LRRK1: variants seen among roughly 807,000 people sequenced by gnomAD.
The protein encoded by LRRK1 is leucine rich repeat kinase 1.
In LRRK1, 113 loss-of-function variants were observed where a neutral mutation model predicts 209.1. That is an observed-to-expected ratio of 0.54 (90% CI 0.46 to 0.63). LRRK1 has a LOEUF of 0.63. Among genes scored for constraint, LRRK1 ranks in the 30% least tolerant of loss-of-function variants. LRRK1 has a pLI of 0.00. For missense variants in LRRK1, 2,284 were observed against 2,632.2 expected (o/e 0.87, Z 2.89); for synonymous variants, 1,144 against 1,099.7 (o/e 1.04, Z -0.80).
chr15:100,924,958 A>G (rs1372295579), intron 2 of LRRK1, among the ~76,000 whole-genome samples: 1 of 152,196 alleles, frequency 6.6e-6, no homozygotes, highest in African/African-American at 2.4e-5. Context: ...TTGGGACATC[A>G]CTTCATGCTG....
intron 6 of LRRK1, among the ~76,000 whole-genome samples, chr15:100,992,807 T>C (rs1298243862): frequency 6.6e-6 from 1 of 152,194 alleles, no homozygotes; most frequent in Admixed American, 6.5e-5. Flanking sequence ...TAGCAGGGAT[T>C]ACAGGTGTGC....
chr15:101,027,602 A>G lies in LRRK1; in HGVS notation c.2527-36A>G, dbSNP rs1269748029. 1 of 1,598,906 alleles carries G rather than the reference A, an allele frequency of 6.3e-7. No homozygotes were observed. The highest frequency in any genetic ancestry group is 8.5e-7 in the Non-Finnish European group (1 of 1,174,082). ...CCCAAGCTGGCAGGTGTGCCTTGGG[A>G]CCTGAGAGACCCTGCCTCGCCCAAC... On this transcript the variant is annotated intron_variant, in intron 18 of 33. Transcript: ENST00000388948. This position sits in a 1 kb window ranked among gnomAD's most constrained non-coding sequence, Gnocchi z 5.1.
rs377396108 is a variant in LRRK1 at position 101,066,724 on chromosome 15, A to G, written c.5853A>G (p.Arg1951=). The G allele has an allele frequency of 6.4e-5, 104 of 1,614,036 alleles. No homozygotes were observed. Among genetic ancestry groups the G allele is most frequent in the Non-Finnish European group, 8.4e-5 (99 of 1,179,970 alleles). Residue 1951 remains arginine (R), a synonymous_variant, in exon 33 of 34, where the codon CGA becomes CGG. Transcript: ENST00000388948. ...RGRVIAVLKA[R]ELTPHGVLVD... is the part of the protein sequence containing the mutation. Reference sequence around the variant, plus strand: ...GAGTCATTGCCGTCTTAAAAGCCCGAGAGCTGACTCCGCATGGGTAAGACT... The same window carrying G: ...GAGTCATTGCCGTCTTAAAAGCCCGGGAGCTGACTCCGCATGGGTAAGACT...
intron 6 of LRRK1, among the ~76,000 whole-genome samples, chr15:101,000,735 T>C (rs1222318253): frequency 6.6e-6 from 1 of 152,216 alleles, no homozygotes; most frequent in Non-Finnish European, 1.5e-5. Flanking sequence ...TTTCTCCTTT[T>C]TCATAAGAAC....
At chr15:101,029,361 C>A in intron 20 of LRRK1, 129 bp downstream of exon 20, 3 of 966,134 alleles carry the variant, frequency 3.1e-6, no homozygotes, top group East Asian at 2.6e-5. Flanking sequence ...CCCCTACGGA[C>A]AGGCCAGCAC....
chr15:100,954,918 C>T (rs2042723906), intron 2 of LRRK1, among the ~76,000 whole-genome samples: 1 of 152,150 alleles, frequency 6.6e-6, no homozygotes, highest in Admixed American at 6.5e-5. Context: ...TAATTTGTAA[C>T]ACAGTTTTAA....
chr15:101,037,383 A>C (rs1264605507), intron 20 of LRRK1, among the ~76,000 whole-genome samples: 3 of 152,128 alleles, frequency 2.0e-5, no homozygotes, highest in Admixed American at 6.5e-5. Flanking sequence ...TGGTGGACTG[A>C]ACCACTGAGC....
At chr15:100,976,692 A>T (rs2031315757) in intron 3 of LRRK1, among the ~76,000 whole-genome samples, 1 of 152,036 alleles carries the variant, frequency 6.6e-6, no homozygotes, top group East Asian at 1.9e-4. Flanking sequence ...ACCCCTACAG[A>T]TTTACTTGAA....
chr15:100,934,378 A>G (rs573264537), intron 2 of LRRK1, among the ~76,000 whole-genome samples: 49 of 152,288 alleles, frequency 3.2e-4, no homozygotes, highest in African/African-American at 1.1e-3. Context: ...CAGCATGATT[A>G]TTTCAACCAT....
At chr15:101,064,248 A>G (rs1158311379) in intron 31 of LRRK1, among the ~76,000 whole-genome samples, 5 of 152,250 alleles carry the variant, frequency 3.3e-5, no homozygotes, top group Non-Finnish European at 5.9e-5. Context: ...TGTCCTGGAC[A>G]GTGAGCTACG....
intron 20 of LRRK1, among the ~76,000 whole-genome samples, chr15:101,042,642 A>G (rs1478793032): frequency 6.6e-6 from 1 of 152,130 alleles, no homozygotes; most frequent in Non-Finnish European, 1.5e-5. Context: ...CTGCCTCCCC[A>G]CAGCATGTGC....
chr15:100,999,959 AC>A (rs1371049068), intron 6 of LRRK1, among the ~76,000 whole-genome samples: 3 of 152,238 alleles, frequency 2.0e-5, no homozygotes, highest in African/African-American at 7.2e-5. Context: ...TCTGGTTTCA[AC>A]GGTAATATTT....
At chr15:100,956,911 C>T (rs1193034555) in intron 2 of LRRK1, among the ~76,000 whole-genome samples, 1 of 152,048 alleles carries the variant, frequency 6.6e-6, no homozygotes. Context: ...TTTCTTTTTG[C>T]TTAATGTAGG....
chr15:100,968,665 TTTC>T (rs2030638458), intron 2 of LRRK1, among the ~76,000 whole-genome samples: 1 of 144,086 alleles, frequency 6.9e-6, no homozygotes, highest in African/African-American at 2.6e-5. Flanking sequence ...TCTTTCTTTC[TTTC>T]TTTTTCTTTC....
rs767129254 is a variant in LRRK1, at chr15:101,015,360, T to G, written c.1567T>G (p.Phe523Val). The G allele has an allele frequency of 6.2e-7, 1 of 1,611,670 alleles. No homozygotes were observed. The highest frequency in any genetic ancestry group is 1.1e-5 in the South Asian group (1 of 90,846). ...EDGLKTKRIA[F>V]FTTRGRQRSG... ...TGGACTGAAAACGAAGCGTATTGCC[T>G]TTTTCACCACCAGAGGTCGCCAGCG... Residue 523 changes from phenylalanine to valine, a missense_variant, in exon 12 of 34, where the codon TTT (phenylalanine) becomes GTT (valine). Physicochemically the swap from Phe to Val is conservative, Grantham distance 50 (BLOSUM62 -1). Coordinates refer to ENST00000388948, the MANE Select transcript of LRRK1 (RefSeq NM_024652.6).
intron 2 of LRRK1, among the ~76,000 whole-genome samples, chr15:100,960,081 G>A (rs1378059845): frequency 6.6e-6 from 1 of 152,052 alleles, no homozygotes; most frequent in Non-Finnish European, 1.5e-5. Flanking sequence ...GAAATAACTG[G>A]AAAATAGAGA....
chr15:100,973,149 C>T (rs1313923702), intron 2 of LRRK1, among the ~76,000 whole-genome samples: 2 of 152,238 alleles, frequency 1.3e-5, no homozygotes, highest in African/African-American at 4.8e-5. Context: ...GCTGAACGGC[C>T]CGGGCGCTGG....
At chr15:100,934,989 G>A (rs1405165836) in intron 2 of LRRK1, among the ~76,000 whole-genome samples, 1 of 152,146 alleles carries the variant, frequency 6.6e-6, no homozygotes, top group East Asian at 1.9e-4. Flanking sequence ...GGAAGGCTGG[G>A]AAGAAGAGGG....
chr15:101,043,756 A>G (rs1174121352), intron 20 of LRRK1: 1 of 152,278 alleles, frequency 6.6e-6, no homozygotes, highest in Non-Finnish European at 1.5e-5. Flanking sequence ...TCGTCTGCAT[A>G]ATGGGTATAA....
Sources: allele counts gnomAD v4.1 joint callset (sites outside exome capture counted in the v4.1 genomes callset), GRCh38; gene constraint gnomAD v4.1.1; non-coding constraint Gnocchi (gnomAD v3.1); transcripts MANE v1.5; gene names NCBI Gene and HGNC (gene_info 2026-07-23, HGNC 2026-07-21).